SAP30BP: variants seen among roughly 807,000 people sequenced by gnomAD.
The protein encoded by SAP30BP is SAP30 binding protein.
Under a neutral mutation model 46.3 loss-of-function variants are expected in SAP30BP, and 31 were observed. That is an observed-to-expected ratio of 0.67 (90% CI 0.50 to 0.90). The LOEUF (loss-of-function observed/expected upper bound fraction) is 0.90, where lower values mean the gene tolerates loss of function less well. SAP30BP is among the 40% of genes least tolerant of loss of function. The pLI is 0.00. For missense variants in SAP30BP, 312 were observed against 391.0 expected, an observed-to-expected ratio of 0.80 and a Z score of 1.70; for synonymous variants, 169 against 144.2, an observed-to-expected ratio of 1.17 and a Z score of -1.23.
intron 3 of SAP30BP, among the ~76,000 whole-genome samples, chr17:75,678,132 A>G (rs2060020253): frequency 6.6e-6 from 1 of 151,902 alleles, no homozygotes; most frequent in Non-Finnish European, 1.5e-5. Flanking sequence ...TTTCTTGGGG[A>G]AGTCCTTTAA....
chr17:75,691,524 C>T (rs1486542157), intron 3 of SAP30BP: 1 of 453,458 alleles, frequency 2.2e-6, no homozygotes, highest in African/African-American at 2.0e-5. Context: ...TAAGGAGGCC[C>T]TGAAGTGGCA....
intron 3 of SAP30BP, chr17:75,692,225 G>T: frequency 1.0e-6 from 1 of 985,712 alleles, no homozygotes; most frequent in Non-Finnish European, 1.2e-6. Context: ...ACTGAGTCTA[G>T]GTTCAGTGTG....
At chr17:75,681,193 G>T (rs1024571179) in intron 3 of SAP30BP, among the ~76,000 whole-genome samples, 1 of 152,210 alleles carries the variant, frequency 6.6e-6, no homozygotes, top group African/African-American at 2.4e-5. Flanking sequence ...TGTGTTTCCT[G>T]TAACAGTTTT....
chr17:75,706,737 ATTAAAAG>A lies in SAP30BP; in HGVS notation c.*218_*224del. On this transcript the variant is annotated 3_prime_UTR_variant, in exon 11 of 11. Coordinates refer to ENST00000584667, the MANE Select transcript of SAP30BP (RefSeq NM_013260.8). The surrounding 1 kb of genome is among the most constrained non-coding windows in gnomAD (Gnocchi z 4.6). ...ACGCACCACCTGGGGTCTGCCGCCT[ATTAAAAG>A]TGCCGTATTCTTACCTCTTGGCATC... 1 of 575,946 alleles carries A rather than the reference ATTAAAAG, an allele frequency of 1.7e-6. No individual in the cohort carries two copies. Among genetic ancestry groups the A allele is most frequent in the South Asian group, 2.2e-5 (1 of 46,138 alleles). The allele number at this position is 575,946 out of a possible 1,614,324, so 35.7% of individuals were successfully genotyped here. A position where few individuals can be genotyped will look rare whatever the true frequency, so the allele number is the denominator to read the frequency against.
chr17:75,676,683 C>T (rs531087174), intron 3 of SAP30BP, among the ~76,000 whole-genome samples: 1 of 152,184 alleles, frequency 6.6e-6, no homozygotes, highest in Non-Finnish European at 1.5e-5. Context: ...CATCCTTTTC[C>T]GTGGCTTCAG....
chr17:75,668,252 T>C (rs1476322422), intron 1 of SAP30BP: 3 of 404,638 alleles, frequency 7.4e-6, no homozygotes, highest in African/African-American at 2.1e-5. Flanking sequence ...AACACTTTAG[T>C]GTTTATCTAG....
intron 3 of SAP30BP, chr17:75,679,691 T>C (rs572822288): frequency 6.6e-6 from 1 of 152,308 alleles, no homozygotes; most frequent in East Asian, 1.9e-4. Flanking sequence ...GGGCGTTGCA[T>C]AGGAAACAAG....
chr17:75,704,852 T>C, intron 9 of SAP30BP, 38 bp downstream of exon 9: 1 of 1,529,086 alleles, frequency 6.5e-7, no homozygotes, highest in Non-Finnish European at 9.1e-7. Flanking sequence ...AAAAGGCACA[T>C]GTGGAGTGCA....
Position 75,673,703 on chromosome 17 carries a change from C to G in SAP30BP, c.264+1840C>G, listed in dbSNP as rs141649977. Among the ~76,000 whole-genome samples, 679 of 152,158 alleles carry G rather than the reference C, an allele frequency of 4.5e-3. 5 individuals carry two copies. Among genetic ancestry groups the G allele is most frequent in the Middle Eastern group, 0.027 (8 of 294 alleles). On this transcript the variant is annotated intron_variant, in intron 3 of 10. Coordinates refer to ENST00000584667, the MANE Select transcript of SAP30BP (RefSeq NM_013260.8). ...GCTTTGTGAGTCAGGGTGGGGGTCACATGAAAAACAAAACAGACTTTACTG... is the reference window on the plus strand; with the variant it reads ...GCTTTGTGAGTCAGGGTGGGGGTCAGATGAAAAACAAAACAGACTTTACTG...
intron 4 of SAP30BP, among the ~76,000 whole-genome samples, chr17:75,693,723 G>A (rs1030673420): frequency 1.3e-5 from 2 of 152,192 alleles, no homozygotes; most frequent in African/African-American, 2.4e-5. Context: ...GGTTGCCAGC[G>A]CTGTCAAGAG....
At chr17:75,675,154 TTTG>T (rs1352167210) in intron 3 of SAP30BP, among the ~76,000 whole-genome samples, 5 of 152,174 alleles carry the variant, frequency 3.3e-5, no homozygotes, top group Admixed American at 2.6e-4. Context: ...GTTTTTTTGT[TTTG>T]TTTTGTTTTT....
intron 3 of SAP30BP, chr17:75,684,134 G>C (rs549387163): frequency 2.6e-4 from 40 of 152,286 alleles, no homozygotes; most frequent in African/African-American, 9.1e-4. Flanking sequence ...TGGATAACTG[G>C]GCTTTTGAGC....
chr17:75,693,948 G>T (rs954695567), intron 4 of SAP30BP, among the ~76,000 whole-genome samples: 12 of 152,170 alleles, frequency 7.9e-5, no homozygotes, highest in Non-Finnish European at 1.8e-4. Flanking sequence ...TGTGATTTGG[G>T]AGGAGCAGGG....
chr17:75,693,587 G>A (rs193036661), intron 4 of SAP30BP, 105 bp downstream of exon 4: 115 of 1,019,092 alleles, frequency 1.1e-4, no homozygotes, highest in Admixed American at 4.5e-4. Context: ...TGTCTGCTGT[G>A]AGCACTGTTG....
intron 4 of SAP30BP, among the ~76,000 whole-genome samples, chr17:75,699,254 AGTATAG>A (rs2060369000): frequency 6.6e-6 from 1 of 151,814 alleles, no homozygotes; most frequent in East Asian, 1.9e-4. Context: ...CCCAGGCTGG[AGTATAG>A]TGGCGTGATC....
intron 3 of SAP30BP, among the ~76,000 whole-genome samples, chr17:75,678,485 C>CAA (rs2060026124): frequency 6.6e-6 from 1 of 151,886 alleles, no homozygotes; most frequent in South Asian, 2.1e-4. Flanking sequence ...CACACACACA[C>CAA]ACACACACAA....
At chr17:75,705,083 C>T (rs567363198) in intron 9 of SAP30BP, 2 of 445,672 alleles carry the variant, frequency 4.5e-6, no homozygotes, top group Non-Finnish European at 8.3e-6. Context: ...GGGCTTTGTC[C>T]GTTTTGGGTC....
intron 3 of SAP30BP, chr17:75,683,567 G>A (rs1431078035): frequency 1.3e-5 from 2 of 152,126 alleles, no homozygotes; most frequent in African/African-American, 4.8e-5. Context: ...TTTTATAATT[G>A]AATGCTATGT....
At chr17:75,685,219 C>T (rs1291765025) in intron 3 of SAP30BP, among the ~76,000 whole-genome samples, 1 of 152,126 alleles carries the variant, frequency 6.6e-6, no homozygotes, top group Non-Finnish European at 1.5e-5. Flanking sequence ...GTGGCTGGGC[C>T]CCTCCTTCCC....
Sources: allele counts gnomAD v4.1 joint callset (sites outside exome capture counted in the v4.1 genomes callset), GRCh38; gene constraint gnomAD v4.1.1; non-coding constraint Gnocchi (gnomAD v3.1); transcripts MANE v1.5; gene names NCBI Gene and HGNC (gene_info 2026-07-23, HGNC 2026-07-21).